Variants in CSMD1 observed in about 807,000 individuals in gnomAD.
CSMD1 encodes the protein CUB and Sushi multiple domains 1.
A neutral mutation model predicts 417.5 loss-of-function variants in CSMD1; 213 were observed. The observed-to-expected ratio is 0.51, with a 90% CI of 0.46 to 0.57. CSMD1 has a LOEUF of 0.57. Among genes scored for constraint, CSMD1 ranks in the 20% least tolerant of loss-of-function variants. The pLI is 0.00. For synonymous variants in CSMD1, 2,862 were observed against 1,736.8 expected (o/e 1.65, Z -16.11); for missense variants, 6,923 against 4,529.7 (o/e 1.53, Z -15.17).
intron 68 of CSMD1, among the ~76,000 whole-genome samples, chr8:2,945,828 A>C (rs528375697): frequency 2.6e-5 from 4 of 152,312 alleles, no homozygotes; most frequent in Non-Finnish European, 4.4e-5. Context: ...TAAATCAAAC[A>C]GTGTTTAGGT....
intron 3 of CSMD1, among the ~76,000 whole-genome samples, chr8:4,168,243 A>C (rs897503455): frequency 7.9e-5 from 12 of 151,646 alleles, no homozygotes; most frequent in African/African-American, 2.7e-4. Context: ...ACACACAAAA[A>C]AATTAGTTGA....
chr8:3,146,242 C>G (rs942834834), intron 40 of CSMD1, among the ~76,000 whole-genome samples: 1 of 151,960 alleles, frequency 6.6e-6, no homozygotes, highest in Non-Finnish European at 1.5e-5. Flanking sequence ...GTTAACTGTG[C>G]CCTTAGACAC....
chr8:4,513,220 G>A (rs1802922431), intron 2 of CSMD1, among the ~76,000 whole-genome samples: 1 of 152,118 alleles, frequency 6.6e-6, no homozygotes. Context: ...GGGGGATGTT[G>A]ATAATAAAGG....
intron 1 of CSMD1, among the ~76,000 whole-genome samples, chr8:4,893,086 G>A (rs752572339): frequency 1.3e-5 from 2 of 152,124 alleles, no homozygotes; most frequent in East Asian, 1.9e-4. Context: ...TCCAGGGCTC[G>A]TCACTGGATA....
chr8:3,946,256 C>G (rs1053826989), intron 5 of CSMD1, among the ~76,000 whole-genome samples: 1 of 152,084 alleles, frequency 6.6e-6, no homozygotes, highest in Non-Finnish European at 1.5e-5. Context: ...ATTGTAATTT[C>G]CATATTAGAG....
At position 3,604,502 on chromosome 8, in the gene CSMD1, A is replaced by C. The variant is rs146697908; in HGVS notation, c.1097+12208T>G. Among the ~76,000 whole-genome samples, 454 of 152,336 alleles carry C rather than the reference A, an allele frequency of 3.0e-3. 3 individuals are homozygous for C. The highest frequency in any genetic ancestry group is 0.011 in the African/African-American group (438 of 41,574). ...GGATCATAGAAATGAAGACGTGCTA[A>C]AGAGGAGAGCCAATACCACATAGGA... On this transcript the variant is annotated intron_variant, in intron 8 of 69. Coordinates refer to ENST00000635120, the MANE Select transcript of CSMD1 (RefSeq NM_033225.6).
intron 34 of CSMD1, 84 bp downstream of exon 34, chr8:3,189,827 AC>A (rs1796306104): frequency 7.8e-7 from 1 of 1,275,384 alleles, no homozygotes; most frequent in African/African-American, 1.5e-5. Flanking sequence ...AGATGGATTT[AC>A]GTAGCCTGGA....
chr8:4,222,215 G>C (rs1042851166), intron 3 of CSMD1, among the ~76,000 whole-genome samples: 1 of 152,042 alleles, frequency 6.6e-6, no homozygotes, highest in Non-Finnish European at 1.5e-5. Flanking sequence ...ATTGAATCAA[G>C]ATTCCTGTAA....
intron 1 of CSMD1, among the ~76,000 whole-genome samples, chr8:4,891,732 A>C (rs1804136706): frequency 6.6e-6 from 1 of 152,136 alleles, no homozygotes; most frequent in Admixed American, 6.5e-5. Flanking sequence ...CAAATAAAAT[A>C]CTGAATTAAT....
At chr8:4,157,046 G>C (rs754661766) in intron 3 of CSMD1, among the ~76,000 whole-genome samples, 1 of 152,156 alleles carries the variant, frequency 6.6e-6, no homozygotes, top group African/African-American at 2.4e-5. Flanking sequence ...TGCACACAAG[G>C]AGCCTGTAGA....
intron 3 of CSMD1, among the ~76,000 whole-genome samples, chr8:4,302,051 TC>T (rs1468515327): frequency 6.6e-6 from 1 of 152,234 alleles, no homozygotes; most frequent in Non-Finnish European, 1.5e-5. Context: ...CCTAATTTTT[TC>T]ATTAGAATTT....
At chr8:3,448,862 G>A (rs746357445) in intron 12 of CSMD1, among the ~76,000 whole-genome samples, 1 of 152,142 alleles carries the variant, frequency 6.6e-6, no homozygotes, top group Non-Finnish European at 1.5e-5. Context: ...ACTAATTTTG[G>A]AAAACTTACG....
At chr8:4,134,212 C>T (rs1008852455) in intron 3 of CSMD1, among the ~76,000 whole-genome samples, 19 of 152,118 alleles carry the variant, frequency 1.2e-4, no homozygotes, top group Non-Finnish European at 2.1e-4. Context: ...TGTCCTTACA[C>T]GCTGAATTGT....
chr8:4,260,165 G>C (rs2656286), intron 3 of CSMD1, among the ~76,000 whole-genome samples: 144,829 of 152,292 alleles, frequency 0.95, 69,294 homozygotes, highest in East Asian at 1. Flanking sequence ...CCCATCAGGT[G>C]GCATCCTTGC....
intron 31 of CSMD1, among the ~76,000 whole-genome samples, chr8:3,204,406 A>C (rs557254030): frequency 3.9e-5 from 6 of 152,276 alleles, no homozygotes; most frequent in African/African-American, 1.4e-4. Flanking sequence ...GGTAAAAAAA[A>C]AAAAAATTAT....
At chr8:3,746,542 A>T (rs890958702) in intron 6 of CSMD1, among the ~76,000 whole-genome samples, 1 of 152,192 alleles carries the variant, frequency 6.6e-6, no homozygotes, top group Non-Finnish European at 1.5e-5. Context: ...ACTGAATTAA[A>T]ATTCTGGCAT....
At chr8:3,169,898 C>T (rs530661122) in intron 37 of CSMD1, among the ~76,000 whole-genome samples, 1 of 152,310 alleles carries the variant, frequency 6.6e-6, no homozygotes, top group South Asian at 2.1e-4. Flanking sequence ...AATGGGCTGG[C>T]TCTCTAGTCC....
intron 3 of CSMD1, among the ~76,000 whole-genome samples, chr8:4,156,592 T>A (rs576685407): frequency 6.6e-6 from 1 of 152,308 alleles, no homozygotes; most frequent in East Asian, 1.9e-4. Context: ...AGCATTCAGT[T>A]AGTGACAATA....
Position 2,947,103 on chromosome 8 carries a change from G to A in CSMD1, c.10402+2196C>T, listed in dbSNP as rs1046867107. Among the ~76,000 whole-genome samples the A allele has an allele frequency of 3.9e-5, 6 of 151,960 alleles. No homozygotes were observed. In the East Asian group the frequency reaches 5.8e-4, roughly 15 times the overall value. On this transcript the variant is annotated intron_variant, in intron 68 of 69. Transcript: ENST00000635120. ...TATTATTGAGCCATAAGAGTTCTTC[G>A]TACATTCTGGATACAAGTCACTTAT...
Sources: allele counts gnomAD v4.1 joint callset (sites outside exome capture counted in the v4.1 genomes callset), GRCh38; gene constraint gnomAD v4.1.1; transcripts MANE v1.5; gene names NCBI Gene and HGNC (gene_info 2026-07-23, HGNC 2026-07-21).